TEK: variants seen among roughly 807,000 people sequenced by gnomAD.
TEK encodes TEK receptor tyrosine kinase.
A neutral mutation model predicts 131.8 loss-of-function variants in TEK; 43 were observed. The ratio of observed to expected loss-of-function variants is 0.33; its 90% confidence interval spans 0.26 to 0.42. The LOEUF is 0.42. Ranked by LOEUF, TEK falls within the 10% of genes least tolerant of loss-of-function variation. The probability of loss-of-function intolerance (pLI) is 1.00; values close to 1 mark genes in which losing one functional copy is unlikely to be tolerated. For synonymous variants in TEK, 580 were observed against 491.6 expected (o/e 1.18, Z -2.38); for missense variants, 1,162 against 1,384.4 (o/e 0.84, Z 2.55).
intron 21 of TEK, among the ~76,000 whole-genome samples, chr9:27,223,601 G>A (rs1194054200): frequency 6.6e-6 from 1 of 152,116 alleles, no homozygotes. Flanking sequence ...CAGAATCTCT[G>A]GGACACATTT....
At chr9:27,136,901 A>G (rs1822472852) in intron 1 of TEK, among the ~76,000 whole-genome samples, 2 of 151,992 alleles carry the variant, frequency 1.3e-5, no homozygotes, top group African/African-American at 4.8e-5. Context: ...AAATCTCTCC[A>G]TGTTTTTAAA....
intron 6 of TEK, among the ~76,000 whole-genome samples, chr9:27,177,864 C>A (rs1484326673): frequency 6.6e-6 from 1 of 152,158 alleles, no homozygotes; most frequent in Non-Finnish European, 1.5e-5. Context: ...TGGATATTAA[C>A]CTCTTATCAG....
rs116799468 is a variant in TEK, at chr9:27,172,769, G to A, written c.760+22G>A. ...AAGGGTAAGTAAAGAGACTTGATAAGTAAGCTGTGGATTTAAAAAGCCATC... is the reference window on the plus strand; with the variant it reads ...AAGGGTAAGTAAAGAGACTTGATAAATAAGCTGTGGATTTAAAAAGCCATC... On this transcript the variant is annotated intron_variant, in intron 5 of 22. Coordinates refer to ENST00000380036, the MANE Select transcript of TEK (RefSeq NM_000459.5). 7.2e-4 allele frequency: 1,156 copies of A among 1,612,750 alleles called. 5 individuals carry two copies. The African/African-American group carries it at 0.014, about 19-fold the overall frequency.
intron 1 of TEK, 61 bp downstream of exon 1, chr9:27,109,703 G>A: frequency 7.0e-6 from 11 of 1,563,318 alleles, no homozygotes; most frequent in East Asian, 4.6e-5. Context: ...AGTGATTTCT[G>A]GGTGCTCTCC....
chr9:27,137,797 A>G (rs1822538721), intron 1 of TEK, among the ~76,000 whole-genome samples: 2 of 152,084 alleles, frequency 1.3e-5, no homozygotes, highest in South Asian at 2.1e-4. Context: ...CTCTTTAGTT[A>G]GGTTTATTTT....
chr9:27,204,773 G>C, intron 13 of TEK, 138 bp from the exon 14 acceptor site: 9 of 1,056,292 alleles, frequency 8.5e-6, no homozygotes, highest in South Asian at 7.6e-5. Flanking sequence ...TGAGTAGCCC[G>C]AGGTCATATA....
At chr9:27,125,677 G>A (rs1193996627) in intron 1 of TEK, among the ~76,000 whole-genome samples, 1 of 152,108 alleles carries the variant, frequency 6.6e-6, no homozygotes, top group African/African-American at 2.4e-5. Context: ...CCTTTAATGA[G>A]GGTTACATGA....
intron 11 of TEK, among the ~76,000 whole-genome samples, chr9:27,193,461 A>C (rs896775511): frequency 2.0e-5 from 3 of 152,120 alleles, no homozygotes; most frequent in Non-Finnish European, 4.4e-5. Context: ...TGGACTTCTC[A>C]GTGGTGTTTG....
intron 11 of TEK, among the ~76,000 whole-genome samples, chr9:27,193,554 G>C (rs1288540394): frequency 6.6e-6 from 1 of 152,110 alleles, no homozygotes; most frequent in African/African-American, 2.4e-5. Context: ...CTGTTACCCA[G>C]GTACCCTCCA....
chr9:27,218,897 T>A, intron 20 of TEK, 80 bp downstream of exon 20: 5 of 1,346,090 alleles, frequency 3.7e-6, no homozygotes, highest in Non-Finnish European at 5.3e-6. Flanking sequence ...GCTGCATAAT[T>A]CCACAGGATG....
At chr9:27,130,914 G>GA (rs2131061072) in intron 1 of TEK, among the ~76,000 whole-genome samples, 1 of 151,556 alleles carries the variant, frequency 6.6e-6, no homozygotes, top group East Asian at 1.9e-4. Flanking sequence ...GAAAGTGATA[G>GA]AAAAAAATAA....
chr9:27,193,204 C>T (rs1824885103), intron 11 of TEK, among the ~76,000 whole-genome samples: 1 of 152,198 alleles, frequency 6.6e-6, no homozygotes, highest in Admixed American at 6.5e-5. Flanking sequence ...ACTTTCATCT[C>T]CTTAAGCTAT....
chr9:27,191,417 A>G (rs367935630), intron 10 of TEK, among the ~76,000 whole-genome samples: 48 of 152,320 alleles, frequency 3.2e-4, no homozygotes, highest in African/African-American at 1.1e-3. Flanking sequence ...TTAAAAAGCA[A>G]AGAGCATTAT....
rs543407125 is a variant in TEK at position 27,229,833 on chromosome 9, T to G, written c.*601T>G. The G allele has an allele frequency of 6.4e-6, 1 of 156,868 alleles. No homozygotes were observed. The highest frequency in any genetic ancestry group is 2.4e-5 in the African/African-American group (1 of 41,598). 9.7% of individuals were successfully genotyped at this position (156,868 alleles called of 1,614,324 possible). On this transcript the variant is annotated 3_prime_UTR_variant, in exon 23 of 23. Transcript: ENST00000380036. ...CACTCTGTCTTGTGTTTCCACAGCC[T>G]GCAAGTCAGTCCAGGATGCTAACAT...
At chr9:27,112,090 G>A (rs1821368812) in intron 1 of TEK, among the ~76,000 whole-genome samples, 1 of 151,928 alleles carries the variant, frequency 6.6e-6, no homozygotes, top group South Asian at 2.1e-4. Flanking sequence ...GTAGAGACGG[G>A]GTTTCACCAT....
Position 27,203,117 on chromosome 9 carries a change from A to G in TEK, c.2207A>G (p.Gln736Arg), listed in dbSNP as rs564379441. 8 of 1,605,964 alleles carry G rather than the reference A, an allele frequency of 5.0e-6. No homozygotes were observed. In the African/African-American group the frequency reaches 9.4e-5, roughly 19 times the overall value. The change falls in exon 13 of 23, where the codon CAA (glutamine) becomes CGA (arginine). Residue 736 changes from glutamine (Q) to arginine (R), a missense_variant and splice_region_variant. Physicochemically the swap from Gln to Arg is conservative, Grantham distance 43 (BLOSUM62 1). Around this residue, in one of 6 missense-constraint regions of TEK, gnomAD observed 477 missense variants for 471.0 expected, o/e 1.01. Coordinates refer to ENST00000380036, the MANE Select transcript of TEK (RefSeq NM_000459.5). Reference protein sequence around the residue: ...SHELVTLPESQAPADLGGGKM... With the variant: ...SHELVTLPESRAPADLGGGKM... ...GAACTGGTGACCCTCCCAGAATCTC[A>G]AGGTTGGTTGAATGGACAAGTATTT...
chr9:27,157,739 A>C lies in TEK; in HGVS notation c.53-92A>C, dbSNP rs1330820888. 5 of 1,427,266 alleles carry C rather than the reference A, an allele frequency of 3.5e-6. No homozygotes were observed. In the African/African-American group the frequency reaches 5.6e-5, roughly 16 times the overall value. 88.4% of individuals were successfully genotyped at this position (1,427,266 alleles called of 1,614,324 possible). A position where few individuals can be genotyped will look rare whatever the true frequency, so the allele number is the denominator to read the frequency against. On this transcript the variant is annotated intron_variant, in intron 1 of 22. Coordinates refer to ENST00000380036, the MANE Select transcript of TEK (RefSeq NM_000459.5). ...AGCATTTTAGAAAGAATCCTCACAC[A>C]ACTTTAAGACAAGGCTTTGTGAGCA...
At chr9:27,196,848 C>T (rs574036300) in intron 11 of TEK, among the ~76,000 whole-genome samples, 10 of 137,080 alleles carry the variant, frequency 7.3e-5, no homozygotes, top group African/African-American at 2.5e-4. Context: ...TCTGACAAAG[C>T]TCCTGTTTAT....
At chr9:27,217,553 T>G (rs952033076) in intron 18 of TEK, 135 bp from the exon 19 acceptor site, 2 of 757,940 alleles carry the variant, frequency 2.6e-6, no homozygotes, top group African/African-American at 3.5e-5. Context: ...TGAAAACACA[T>G]GTAGCTGGGA....
Sources: gnomAD v4.1 joint callset for allele counts (sites outside exome capture counted in the v4.1 genomes callset) on GRCh38, gnomAD v4.1.1 for gene constraint, gnomAD v4.1.1 regional missense constraint, MANE v1.5 for transcripts, NCBI Gene and HGNC (gene_info 2026-07-23, HGNC 2026-07-21) for gene names.